Variants in CDH13 observed in about 807,000 individuals in gnomAD.
CDH13 encodes the protein cadherin 13.
A neutral mutation model predicts 63.8 loss-of-function variants in CDH13; 24 were observed. That is an observed-to-expected ratio of 0.38 (90% CI 0.27 to 0.53). The LOEUF is 0.53. Ranked by LOEUF, CDH13 falls within the 20% of genes least tolerant of loss-of-function variation. CDH13 has a pLI of 0.85. For missense variants in CDH13, 1,049 were observed against 903.1 expected (o/e 1.16, Z -2.07); for synonymous variants, 503 against 355.3 (o/e 1.42, Z -4.67).
intron 3 of CDH13, among the ~76,000 whole-genome samples, chr16:83,095,890 A>T (rs1489591476): frequency 6.6e-6 from 1 of 152,242 alleles, no homozygotes; most frequent in African/African-American, 2.4e-5. Flanking sequence ...CCATAAAACA[A>T]TATTCGTAAG....
intron 7 of CDH13, among the ~76,000 whole-genome samples, chr16:83,495,629 A>G (rs1313348256): frequency 6.6e-6 from 1 of 152,360 alleles, no homozygotes; most frequent in African/African-American, 2.4e-5. Flanking sequence ...GATAGGGCAA[A>G]GAAACATATT....
At chr16:83,337,607 A>C (rs1204789523) in intron 5 of CDH13, among the ~76,000 whole-genome samples, 1 of 141,192 alleles carries the variant, frequency 7.1e-6, no homozygotes, top group African/African-American at 2.6e-5. Context: ...TTTGAGAATT[A>C]AATTGACAAG....
intron 1 of CDH13, among the ~76,000 whole-genome samples, chr16:82,812,925 T>G (rs8051118): frequency 0.9 from 137,409 of 151,980 alleles, 62,133 homozygotes; most frequent in East Asian, 0.96. Context: ...AGAAGGGATT[T>G]ATGATGGCAT....
At chr16:82,693,882 A>G (rs1038035067) in intron 1 of CDH13, among the ~76,000 whole-genome samples, 21 of 152,214 alleles carry the variant, frequency 1.4e-4, no homozygotes, top group Non-Finnish European at 2.6e-4. Flanking sequence ...AGAAAATCTT[A>G]TAACATTCTT....
chr16:82,961,563 C>T (rs1380767423), intron 2 of CDH13, among the ~76,000 whole-genome samples: 2 of 115,774 alleles, frequency 1.7e-5, no homozygotes, highest in East Asian at 2.8e-4. Flanking sequence ...TAAGAATAAG[C>T]AGGGGACTTA....
At chr16:83,734,596 G>C (rs545423698) in intron 10 of CDH13, among the ~76,000 whole-genome samples, 19 of 151,588 alleles carry the variant, frequency 1.3e-4, no homozygotes, top group East Asian at 3.9e-4. Flanking sequence ...GTGGGGGAAG[G>C]GGGGAGGGAT....
At chr16:83,091,720 C>G (rs2033922433) in intron 3 of CDH13, among the ~76,000 whole-genome samples, 1 of 152,200 alleles carries the variant, frequency 6.6e-6, no homozygotes, top group African/African-American at 2.4e-5. Flanking sequence ...GTATTCACTT[C>G]ATAAGGGAAG....
chr16:82,650,797 A>G (rs888418824), intron 1 of CDH13, among the ~76,000 whole-genome samples: 1 of 152,212 alleles, frequency 6.6e-6, no homozygotes, highest in Non-Finnish European at 1.5e-5. Flanking sequence ...TTGATTTTGC[A>G]TAGTGTAGAA....
chr16:83,675,823 T>C (rs952816483), intron 9 of CDH13, among the ~76,000 whole-genome samples: 3 of 152,226 alleles, frequency 2.0e-5, no homozygotes, highest in African/African-American at 7.2e-5. Context: ...GTTAGATTTT[T>C]GCACAATCAA....
At chr16:82,738,962 A>G (rs185735511) in intron 1 of CDH13, among the ~76,000 whole-genome samples, 22 of 152,318 alleles carry the variant, frequency 1.4e-4, no homozygotes, top group Admixed American at 1.4e-3. Flanking sequence ...AGAACCTTTT[A>G]GTGGATAAAG....
intron 2 of CDH13, among the ~76,000 whole-genome samples, chr16:82,905,741 T>C (rs142430521): frequency 7.2e-5 from 11 of 152,334 alleles, no homozygotes; most frequent in Non-Finnish European, 7.3e-5. Context: ...ATCAATATGA[T>C]AAATTATTCA....
At chr16:83,248,357 TTGCTACTTTTCCTA>T (rs1905170717) in intron 5 of CDH13, among the ~76,000 whole-genome samples, 1 of 152,168 alleles carries the variant, frequency 6.6e-6, no homozygotes, top group Admixed American at 6.5e-5. Context: ...CTGTTGTTGT[TTGCTACTTTTCCTA>T]TGCTCTTGGG....
At chr16:82,688,810 G>C (rs1253146601) in intron 1 of CDH13, 1 of 152,160 alleles carries the variant, frequency 6.6e-6, no homozygotes, top group African/African-American at 2.4e-5. Context: ...GCCTGGGTTG[G>C]TGATTTGGTC....
At chr16:82,882,920 G>T (rs1025765554) in intron 2 of CDH13, among the ~76,000 whole-genome samples, 19 of 152,174 alleles carry the variant, frequency 1.2e-4, no homozygotes, top group Non-Finnish European at 2.8e-4. Flanking sequence ...AAGGAAGCAT[G>T]TATAAGCCTA....
chr16:83,198,385 G>GA (rs2038936163), intron 4 of CDH13, among the ~76,000 whole-genome samples: 2 of 151,930 alleles, frequency 1.3e-5, no homozygotes, highest in African/African-American at 4.8e-5. Context: ...AATATGTGGG[G>GA]ACTAAGCATC....
intron 7 of CDH13, among the ~76,000 whole-genome samples, chr16:83,584,766 C>T (rs1905981800): frequency 6.6e-6 from 1 of 152,180 alleles, no homozygotes; most frequent in African/African-American, 2.4e-5. Context: ...GTTTAATTGG[C>T]CCATGGTTCT....
intron 11 of CDH13, among the ~76,000 whole-genome samples, chr16:83,759,784 C>T (rs1217138058): frequency 1.3e-5 from 2 of 151,606 alleles, no homozygotes; most frequent in Non-Finnish European, 2.9e-5. Flanking sequence ...AAAAATTATC[C>T]AAGTGGTGTG....
At chr16:83,420,692 C>T (rs769688046) in intron 6 of CDH13, among the ~76,000 whole-genome samples, 3 of 152,168 alleles carry the variant, frequency 2.0e-5, no homozygotes, top group Non-Finnish European at 2.9e-5. Context: ...GGTAAAGTCC[C>T]ACTATAGGCC....
At chr16:83,570,702 A>G (rs1012112388) in intron 7 of CDH13, among the ~76,000 whole-genome samples, 2 of 145,522 alleles carry the variant, frequency 1.4e-5, no homozygotes, top group East Asian at 3.9e-4. Context: ...TAAATTTATT[A>G]TTTATATATT....
Sources: gnomAD v4.1 joint callset for allele counts (sites outside exome capture counted in the v4.1 genomes callset) on GRCh38, gnomAD v4.1.1 for gene constraint, MANE v1.5 for transcripts, NCBI Gene and HGNC (gene_info 2026-07-23, HGNC 2026-07-21) for gene names.